NCOA2: variants seen among roughly 807,000 people sequenced by gnomAD.
NCOA2 encodes the protein class E basic helix-loop-helix protein 75.
Under a neutral mutation model 145.1 loss-of-function variants are expected in NCOA2, and 21 were observed. The ratio of observed to expected loss-of-function variants is 0.14; its 90% CI spans 0.10 to 0.21. NCOA2 has a LOEUF of 0.21. Among genes scored for constraint, NCOA2 ranks in the 10% least tolerant of loss-of-function variants. The probability of loss-of-function intolerance (pLI) is 1.00; values close to 1 mark genes in which losing one functional copy is unlikely to be tolerated. For missense variants in NCOA2, 1,472 were observed against 1,837.6 expected, an observed-to-expected ratio of 0.80 and a Z score of 3.64; for synonymous variants, 619 against 637.5, an observed-to-expected ratio of 0.97 and a Z score of 0.44.
chr8:70,339,356 C>G (rs935240779), intron 1 of NCOA2, among the ~76,000 whole-genome samples: 1 of 151,904 alleles, frequency 6.6e-6, no homozygotes, highest in Non-Finnish European at 1.5e-5. Flanking sequence ...AATAAAATAC[C>G]TAGGAATACA....
intron 2 of NCOA2, among the ~76,000 whole-genome samples, chr8:70,274,408 G>A (rs16936861): frequency 0.1 from 15,974 of 152,202 alleles, 1,278 homozygotes; most frequent in East Asian, 0.4. Context: ...TGTGAAGGGC[G>A]AGAACCTACC....
intron 1 of NCOA2, among the ~76,000 whole-genome samples, chr8:70,361,075 A>G (rs1375328464): frequency 6.6e-6 from 1 of 152,206 alleles, no homozygotes; most frequent in Non-Finnish European, 1.5e-5. Context: ...ATAAAATTCT[A>G]TGCCTAAATC....
intron 1 of NCOA2, among the ~76,000 whole-genome samples, chr8:70,375,030 A>C (rs1450508099): frequency 7.2e-5 from 11 of 152,116 alleles, no homozygotes. Flanking sequence ...TTAACATCGC[A>C]TATCATCCTG....
At chr8:70,133,445 G>A (rs1416315898) in intron 15 of NCOA2, among the ~76,000 whole-genome samples, 1 of 151,870 alleles carries the variant, frequency 6.6e-6, no homozygotes, top group Non-Finnish European at 1.5e-5. Flanking sequence ...GGCTGGTCTC[G>A]AACTCCTGGA....
At chr8:70,127,365 G>T (rs953363209) in intron 18 of NCOA2, among the ~76,000 whole-genome samples, 4 of 152,186 alleles carry the variant, frequency 2.6e-5, no homozygotes, top group African/African-American at 9.7e-5. Context: ...TCTATAAGAA[G>T]ACTGTAATAT....
At chr8:70,441,083 G>A in the NCOA2 span, among the ~76,000 whole-genome samples, 1 of 141,692 alleles carries the variant, frequency 7.1e-6, no homozygotes, top group African/African-American at 2.6e-5. Flanking sequence ...AAAGGAAAGA[G>A]AGAGGAAAGA....
chr8:70,301,462 T>TGG (rs1265915657), intron 1 of NCOA2, among the ~76,000 whole-genome samples: 1 of 151,494 alleles, frequency 6.6e-6, no homozygotes, highest in African/African-American at 2.4e-5. Flanking sequence ...GAAACCAGCT[T>TGG]GGGGCAACAA....
At chr8:70,233,182 C>T (rs1418270031) in intron 2 of NCOA2, among the ~76,000 whole-genome samples, 2 of 151,710 alleles carry the variant, frequency 1.3e-5, no homozygotes, top group Non-Finnish European at 2.9e-5. Context: ...GCTGAGATCG[C>T]ACCACTACAC....
At chr8:70,444,573 G>A in the NCOA2 span, among the ~76,000 whole-genome samples, 2 of 152,270 alleles carry the variant, frequency 1.3e-5, no homozygotes, top group African/African-American at 4.8e-5. Context: ...ATTTTCTGGT[G>A]GTGATATTGT....
chr8:70,152,477 G>GT (rs1811851236), intron 11 of NCOA2, among the ~76,000 whole-genome samples: 1 of 152,158 alleles, frequency 6.6e-6, no homozygotes, highest in African/African-American at 2.4e-5. Context: ...GACACTATCA[G>GT]TTTAAAATAT....
chr8:70,230,227 G>C (rs2134203009), intron 2 of NCOA2, among the ~76,000 whole-genome samples: 1 of 152,216 alleles, frequency 6.6e-6, no homozygotes, highest in South Asian at 2.1e-4. Context: ...ACTGCAAAAG[G>C]CCACATATTG....
At position 70,347,202 on chromosome 8, in the gene NCOA2, C is replaced by T. The variant is rs568598194; in HGVS notation, c.-76-50402G>A. Among the ~76,000 whole-genome samples, 4 of 152,044 alleles carry T rather than the reference C, an allele frequency of 2.6e-5. No homozygotes were observed. In the South Asian group the frequency reaches 6.2e-4, roughly 24 times the overall value. On this transcript the variant is annotated intron_variant, in intron 1 of 22. Coordinates refer to ENST00000452400, the MANE Select transcript of NCOA2 (RefSeq NM_006540.4). ...GTCTTCACTAAAAATACAAAAAAAT[C>T]GGCTGGGCACGGTGGCTCACACCTG...
chr8:70,443,548 A>T, the NCOA2 span, among the ~76,000 whole-genome samples: 1 of 151,870 alleles, frequency 6.6e-6, no homozygotes, highest in Non-Finnish European at 1.5e-5. Context: ...GCTCTGTTCT[A>T]TTTTTCTATC....
At chr8:70,300,335 T>G (rs533190460) in intron 1 of NCOA2, among the ~76,000 whole-genome samples, 3 of 152,316 alleles carry the variant, frequency 2.0e-5, no homozygotes, top group African/African-American at 7.2e-5. Flanking sequence ...AAAAAAAAAT[T>G]TTAATGTTAA....
chr8:70,202,786 T>G (rs572094190), intron 4 of NCOA2, among the ~76,000 whole-genome samples: 1 of 152,336 alleles, frequency 6.6e-6, no homozygotes, highest in African/African-American at 2.4e-5. Flanking sequence ...TTAACAATAT[T>G]GTAATTTACA....
At chr8:70,269,911 C>T (rs1824908378) in intron 2 of NCOA2, among the ~76,000 whole-genome samples, 1 of 152,094 alleles carries the variant, frequency 6.6e-6, no homozygotes, top group Admixed American at 6.6e-5. Flanking sequence ...ATGAATTTTG[C>T]CAGATTCAAC....
At chr8:70,300,130 T>C (rs754129187) in intron 1 of NCOA2, among the ~76,000 whole-genome samples, 2 of 152,092 alleles carry the variant, frequency 1.3e-5, no homozygotes, top group Non-Finnish European at 2.9e-5. Flanking sequence ...TGTCAGGATA[T>C]GGAAATGGAA....
chr8:70,242,585 A>C (rs911622908), intron 2 of NCOA2, among the ~76,000 whole-genome samples: 13 of 152,142 alleles, frequency 8.5e-5, no homozygotes, highest in African/African-American at 3.1e-4. Context: ...GATAATTTTT[A>C]GAGCAAATCC....
chr8:70,192,220 CTT>C (rs1488274084), intron 4 of NCOA2, among the ~76,000 whole-genome samples: 3 of 152,076 alleles, frequency 2.0e-5, no homozygotes, highest in Non-Finnish European at 2.9e-5. Flanking sequence ...CCTTATTTTA[CTT>C]TGTTATTACA....
Sources: allele counts gnomAD v4.1 joint callset (sites outside exome capture counted in the v4.1 genomes callset), GRCh38; gene constraint gnomAD v4.1.1; transcripts MANE v1.5; gene names NCBI Gene and HGNC (gene_info 2026-07-23, HGNC 2026-07-21).